The following ADAM22 variants were observed in gnomAD, a reference collection of about 807,000 sequenced individuals.
ADAM22 encodes the protein ADAM metallopeptidase domain 22.
A neutral mutation model predicts 144.6 loss-of-function variants in ADAM22; 65 were observed. The observed-to-expected ratio is 0.45, with a 90% CI of 0.37 to 0.55. ADAM22 has a LOEUF of 0.55. Ranked by LOEUF, ADAM22 falls within the 20% of genes least tolerant of loss-of-function variation. The probability of loss-of-function intolerance (pLI) is 0.00; values close to 1 mark genes in which losing one functional copy is unlikely to be tolerated. For synonymous variants in ADAM22, 391 were observed against 412.6 expected (o/e 0.95, Z 0.63); for missense variants, 974 against 1,184.9 (o/e 0.82, Z 2.61).
Position 88,163,931 on chromosome 7 carries a change from A to C in ADAM22, c.2076+751A>C, listed in dbSNP as rs77872330. ...ATTTTTGTTCCAGATTCTTTGCTTGAACTGTTGTATTATCCAGTTAAGATA... is the reference window on the plus strand; with the variant it reads ...ATTTTTGTTCCAGATTCTTTGCTTGCACTGTTGTATTATCCAGTTAAGATA... On this transcript the variant is annotated intron_variant, in intron 23 of 31. Coordinates refer to ENST00000413139, the MANE Select transcript of ADAM22 (RefSeq NM_001324418.2). Among the ~76,000 whole-genome samples the C allele has an allele frequency of 3.3e-5, 5 of 152,140 alleles. No homozygotes were observed. The East Asian group carries it at 9.7e-4, about 29-fold the overall frequency.
chr7:88,158,584 G>A (rs527621970), intron 22 of ADAM22, among the ~76,000 whole-genome samples: 1 of 152,062 alleles, frequency 6.6e-6, no homozygotes, highest in East Asian at 1.9e-4. Context: ...AATACAAATA[G>A]AAATCGAGAC....
intron 24 of ADAM22, among the ~76,000 whole-genome samples, chr7:88,166,530 ACATTGG>A (rs1842975461): frequency 6.6e-6 from 1 of 152,120 alleles, no homozygotes; most frequent in African/African-American, 2.4e-5. Flanking sequence ...AAGAACTTAT[ACATTGG>A]AGGCAAATGT....
At chr7:88,163,857 A>G (rs1450945160) in intron 23 of ADAM22, among the ~76,000 whole-genome samples, 2 of 152,096 alleles carry the variant, frequency 1.3e-5, no homozygotes, top group Non-Finnish European at 2.9e-5. Flanking sequence ...TATACCATCA[A>G]AAAAGAGTTT....
At chr7:88,111,868 TA>T (rs1826142055) in intron 5 of ADAM22, among the ~76,000 whole-genome samples, 1 of 152,214 alleles carries the variant, frequency 6.6e-6, no homozygotes, top group Non-Finnish European at 1.5e-5. Flanking sequence ...GAGATACAGA[TA>T]GTGTCAGAAT....
intron 22 of ADAM22, among the ~76,000 whole-genome samples, chr7:88,157,860 TTAAAC>T (rs1239493165): frequency 6.6e-6 from 1 of 152,146 alleles, no homozygotes; most frequent in Non-Finnish European, 1.5e-5. Flanking sequence ...TGTTGATTCT[TTAAAC>T]TATATGCATA....
chr7:88,001,273 G>A (rs563694888), intron 3 of ADAM22, among the ~76,000 whole-genome samples: 5 of 152,242 alleles, frequency 3.3e-5, no homozygotes, highest in South Asian at 2.1e-4. Context: ...AATTCTAAAC[G>A]TGAAATTCAT....
At chr7:88,164,955 G>A (rs911652636) in intron 23 of ADAM22, among the ~76,000 whole-genome samples, 5 of 152,070 alleles carry the variant, frequency 3.3e-5, no homozygotes, top group Admixed American at 6.6e-5. Flanking sequence ...AACCTTTTTC[G>A]TTCTGCCTAT....
intron 3 of ADAM22, among the ~76,000 whole-genome samples, chr7:88,039,464 AATAT>A (rs1554420479): frequency 1.0e-4 from 8 of 76,402 alleles, no homozygotes; most frequent in East Asian, 5.3e-4. Flanking sequence ...AAAAAAAAAA[AATAT>A]ATATATATAT....
chr7:88,132,845 T>C, intron 11 of ADAM22, 22 bp from the exon 12 acceptor site: 1 of 1,608,466 alleles, frequency 6.2e-7, no homozygotes, highest in Non-Finnish European at 8.5e-7. Context: ...CAGTAAGCAT[T>C]TTTCATTTCC....
At chr7:88,113,699 AATAAATATATATATATATAT>A (rs1402740423) in intron 5 of ADAM22, among the ~76,000 whole-genome samples, 8 of 39,466 alleles carry the variant, frequency 2.0e-4, no homozygotes, top group African/African-American at 5.6e-4. Flanking sequence ...TAAATAAATA[AATAAATATATATATATATAT>A]ATATATATAT....
At chr7:87,934,748 CT>C in intron 1 of ADAM22, 198 bp downstream of exon 1, 1 of 656,676 alleles carries the variant, frequency 1.5e-6, no homozygotes, top group Non-Finnish European at 2.6e-6. Context: ...CACTGGAAGC[CT>C]TCGGTCAAAG....
intron 2 of ADAM22, among the ~76,000 whole-genome samples, chr7:87,941,014 C>T (rs1434142414): frequency 3.9e-5 from 6 of 152,194 alleles, no homozygotes; most frequent in African/African-American, 1.4e-4. Context: ...CACAGATTTA[C>T]ATCCAGGATG....
chr7:87,999,704 C>T (rs186965737), intron 3 of ADAM22, among the ~76,000 whole-genome samples: 2 of 152,254 alleles, frequency 1.3e-5, no homozygotes, highest in East Asian at 1.9e-4. Context: ...TTTATGATAT[C>T]AGTTATACGG....
At chr7:87,956,120 G>A (rs1846665029) in intron 2 of ADAM22, among the ~76,000 whole-genome samples, 1 of 152,182 alleles carries the variant, frequency 6.6e-6, no homozygotes, top group Non-Finnish European at 1.5e-5. Flanking sequence ...CTGGCGCACA[G>A]TGTGCTGCAT....
At chr7:87,949,750 T>A (rs539502985) in intron 2 of ADAM22, among the ~76,000 whole-genome samples, 2 of 151,592 alleles carry the variant, frequency 1.3e-5, no homozygotes, top group East Asian at 3.9e-4. Context: ...TAAAAATAAA[T>A]TTCTAGTTTT....
At chr7:87,987,243 A>G (rs1019268596) in intron 3 of ADAM22, among the ~76,000 whole-genome samples, 1 of 152,044 alleles carries the variant, frequency 6.6e-6, no homozygotes, top group Non-Finnish European at 1.5e-5. Flanking sequence ...CAGTGGCACA[A>G]TCTCAGCACA....
At chr7:88,147,760 T>G (rs1836975527) in intron 17 of ADAM22, among the ~76,000 whole-genome samples, 1 of 152,224 alleles carries the variant, frequency 6.6e-6, no homozygotes, top group African/African-American at 2.4e-5. Context: ...TGGAACTTCT[T>G]GAACATTATG....
chr7:88,082,259 G>T (rs1816926410), intron 4 of ADAM22, among the ~76,000 whole-genome samples: 1 of 152,180 alleles, frequency 6.6e-6, no homozygotes, highest in East Asian at 1.9e-4. Context: ...TTTAGTAAAT[G>T]GTGCTGGGAA....
chr7:88,181,917 C>G, intron 28 of ADAM22, 41 bp from the exon 29 acceptor site: 1 of 1,573,060 alleles, frequency 6.4e-7, no homozygotes, highest in Non-Finnish European at 8.7e-7. Context: ...AGGGCAATCA[C>G]TTATTTACAT....
Sources: allele counts gnomAD v4.1 joint callset (sites outside exome capture counted in the v4.1 genomes callset), GRCh38; gene constraint gnomAD v4.1.1; transcripts MANE v1.5; gene names NCBI Gene and HGNC (gene_info 2026-07-23, HGNC 2026-07-21).